The following AKT3 variants were observed in gnomAD, a reference collection of about 807,000 sequenced individuals.
AKT3 encodes the protein AKT serine/threonine kinase 3, also known as RAC-gamma serine/threonine-protein kinase.
Under a neutral mutation model 65.3 loss-of-function variants are expected in AKT3, and 15 were observed. That is an observed-to-expected ratio of 0.23 (90% CI 0.15 to 0.35). AKT3 has a LOEUF of 0.35. Ranked by LOEUF, AKT3 falls within the 10% of genes least tolerant of loss-of-function variation. The pLI is 1.00. For synonymous variants in AKT3, 206 were observed against 183.8 expected, an observed-to-expected ratio of 1.12 and a Z score of -0.98; for missense variants, 243 against 576.5, an observed-to-expected ratio of 0.42 and a Z score of 5.92.
At chr1:243,692,608 T>C (rs1485092132) in intron 3 of AKT3, among the ~76,000 whole-genome samples, 1 of 151,730 alleles carries the variant, frequency 6.6e-6, no homozygotes, top group African/African-American at 2.4e-5. Context: ...CATGGTGGTG[T>C]GCGCCTATGA....
intron 3 of AKT3, among the ~76,000 whole-genome samples, chr1:243,684,915 G>T (rs1014931985): frequency 1.3e-5 from 2 of 152,140 alleles, no homozygotes; most frequent in South Asian, 4.1e-4. Flanking sequence ...CAGTGATGAT[G>T]AGCTTTTTTT....
exon 14 of AKT3, chr1:243,488,446 G>T: frequency 1.8e-5 from 3 of 162,400 alleles, no homozygotes; most frequent in South Asian, 1.7e-4. Flanking sequence ...GCTGTAGGAA[G>T]CCGACTGTGG....
At chr1:243,777,176 A>G (rs1162157322) in intron 2 of AKT3, among the ~76,000 whole-genome samples, 1 of 152,078 alleles carries the variant, frequency 6.6e-6, no homozygotes, top group African/African-American at 2.4e-5. Context: ...GGGAGTGAAG[A>G]TGGTTTGGGG....
At chr1:243,647,444 G>A (rs1415318474) in intron 4 of AKT3, among the ~76,000 whole-genome samples, 1 of 152,170 alleles carries the variant, frequency 6.6e-6, no homozygotes, top group Non-Finnish European at 1.5e-5. Flanking sequence ...GTTTGTCCAA[G>A]TAGTATGTTT....
At chr1:243,527,688 T>C (rs1167490026) in intron 12 of AKT3, among the ~76,000 whole-genome samples, 1 of 151,934 alleles carries the variant, frequency 6.6e-6, no homozygotes, top group Non-Finnish European at 1.5e-5. Flanking sequence ...ATATCAACCA[T>C]AAAACATTCT....
At chr1:243,808,155 C>G (rs758147139) in intron 2 of AKT3, 6 of 152,148 alleles carry the variant, frequency 3.9e-5, no homozygotes, top group Non-Finnish European at 7.3e-5. Context: ...AGCTCCTCAC[C>G]AGGAACGGAA....
At chr1:243,749,339 G>A (rs966089584) in intron 2 of AKT3, among the ~76,000 whole-genome samples, 6 of 152,044 alleles carry the variant, frequency 3.9e-5, no homozygotes, top group Non-Finnish European at 1.5e-5. Flanking sequence ...ACTTGATCAT[G>A]ATTGTTTTCT....
chr1:243,776,016 C>T (rs1019150589), intron 2 of AKT3, among the ~76,000 whole-genome samples: 1 of 152,194 alleles, frequency 6.6e-6, no homozygotes, highest in African/African-American at 2.4e-5. Flanking sequence ...CATCCATAAA[C>T]CTGAGGTTGA....
At chr1:243,763,957 C>T (rs758979898) in intron 2 of AKT3, among the ~76,000 whole-genome samples, 3 of 151,988 alleles carry the variant, frequency 2.0e-5, no homozygotes, top group African/African-American at 7.2e-5. Flanking sequence ...ACTGAGACTA[C>T]GAAGTTAACA....
chr1:243,742,073 A>AG (rs904570842), intron 2 of AKT3, among the ~76,000 whole-genome samples: 4 of 151,044 alleles, frequency 2.6e-5, no homozygotes, highest in Non-Finnish European at 4.4e-5. Context: ...AAAAAAAAAA[A>AG]AAAACAGTAA....
intron 9 of AKT3, among the ~76,000 whole-genome samples, chr1:243,568,993 C>G (rs1352395786): frequency 6.6e-6 from 1 of 152,216 alleles, no homozygotes; most frequent in Non-Finnish European, 1.5e-5. Flanking sequence ...ATAGCAGTTC[C>G]TAAGGGCTCC....
rs141693493 is a variant in AKT3 at position 243,538,914 on chromosome 1, A to G, written c.1251+6596T>C. Among the ~76,000 whole-genome samples the G allele has an allele frequency of 9.2e-5, 14 of 152,300 alleles. No homozygotes were observed. In the East Asian group the frequency reaches 2.3e-3, roughly 25 times the overall value. ...AATCTAAATATGTATGCAACTAACAATGAGGCTTCAAAACACATGAGGCAA... is the reference window on the plus strand; with the variant it reads ...AATCTAAATATGTATGCAACTAACAGTGAGGCTTCAAAACACATGAGGCAA... On this transcript the variant is annotated intron_variant, in intron 12 of 13. Coordinates refer to ENST00000673466, the MANE Select transcript of AKT3 (RefSeq NM_005465.7).
At chr1:243,716,438 C>T (rs983790655) in intron 2 of AKT3, among the ~76,000 whole-genome samples, 1 of 152,096 alleles carries the variant, frequency 6.6e-6, no homozygotes, top group African/African-American at 2.4e-5. Context: ...TTATTAAATA[C>T]TTGCAAATAT....
At chr1:243,692,986 G>A (rs1221323197) in intron 3 of AKT3, among the ~76,000 whole-genome samples, 1 of 151,654 alleles carries the variant, frequency 6.6e-6, no homozygotes, top group Non-Finnish European at 1.5e-5. Flanking sequence ...CTAGACTGCA[G>A]TGGGATACGA....
chr1:243,592,882 A>G (rs900177971), intron 8 of AKT3, among the ~76,000 whole-genome samples: 6 of 152,246 alleles, frequency 3.9e-5, no homozygotes, highest in Admixed American at 6.5e-5. Flanking sequence ...AGTGGCATTT[A>G]TAACACATAC....
At chr1:243,770,257 C>T (rs1690093937) in intron 2 of AKT3, among the ~76,000 whole-genome samples, 1 of 152,096 alleles carries the variant, frequency 6.6e-6, no homozygotes, top group Non-Finnish European at 1.5e-5. Flanking sequence ...ACAGCCAACT[C>T]CATCAATAGT....
At position 243,503,773 on chromosome 1, in the gene AKT3, A is replaced by G. The variant is rs1383398391; in HGVS notation, c.*1476T>C. ...TCAGTGATAAATGTACCATGATCCC[A>G]AGAAACACACCAGGTTCTTAGCCTT... is the stretch of plus-strand genomic sequence containing the variant. On this transcript the variant is annotated 3_prime_UTR_variant, in exon 14 of 14. Transcript: ENST00000673466. 4.3e-6 allele frequency: 1 copy of G among 231,314 alleles called. No individual in the cohort carries two copies. Among genetic ancestry groups the G allele is most frequent in the Non-Finnish European group, 8.6e-6 (1 of 116,668 alleles). The allele number at this position is 231,314 out of a possible 1,614,324, so 14.3% of individuals were successfully genotyped here.
chr1:243,629,953 A>G (rs1679481324), intron 6 of AKT3, among the ~76,000 whole-genome samples: 1 of 152,172 alleles, frequency 6.6e-6, no homozygotes, highest in African/African-American at 2.4e-5. Flanking sequence ...ACTATGGCAT[A>G]TATTCCCCAG....
chr1:243,769,433 G>A (rs905471349), intron 2 of AKT3, among the ~76,000 whole-genome samples: 5 of 152,168 alleles, frequency 3.3e-5, no homozygotes, highest in African/African-American at 1.2e-4. Context: ...CAGCGTATGG[G>A]GATTCCAATT....
Sources: gnomAD v4.1 joint callset for allele counts (sites outside exome capture counted in the v4.1 genomes callset) on GRCh38, gnomAD v4.1.1 for gene constraint, MANE v1.5 for transcripts, NCBI Gene and HGNC (gene_info 2026-07-23, HGNC 2026-07-21) for gene names.